PCDHGB7: variants seen among roughly 807,000 people sequenced by gnomAD.
PCDHGB7 encodes protocadherin gamma subfamily B, 7.
A neutral mutation model predicts 61.4 loss-of-function variants in PCDHGB7; 37 were observed. The observed-to-expected ratio is 0.60, with a 90% CI of 0.46 to 0.79. The LOEUF (loss-of-function observed/expected upper bound fraction) is 0.79. Ranked by LOEUF, PCDHGB7 falls within the 30% of genes least tolerant of loss-of-function variation. The pLI is 0.00. For synonymous variants in PCDHGB7, 464 were observed against 503.5 expected (o/e 0.92, Z 1.05); for missense variants, 1,166 against 1,202.5 (o/e 0.97, Z 0.45).
At chr5:141,495,240 C>T (rs2099759761) in intron 2 of PCDHGB7, among the ~76,000 whole-genome samples, 1 of 152,182 alleles carries the variant, frequency 6.6e-6, no homozygotes, top group South Asian at 2.1e-4. Context: ...TCCATTATGA[C>T]CTGGGGCTCA....
intron 1 of PCDHGB7, chr5:141,478,333 G>T: frequency 6.2e-7 from 1 of 1,613,928 alleles, no homozygotes; most frequent in Non-Finnish European, 8.5e-7. Context: ...GAACACCAGG[G>T]CCCTCCTTGC....
At chr5:141,421,824 A>G in intron 1 of PCDHGB7, 1 of 1,613,768 alleles carries the variant, frequency 6.2e-7, no homozygotes, top group Non-Finnish European at 8.5e-7. Flanking sequence ...TACTGGAGGG[A>G]AGCCTGGACC....
chr5:141,465,923 C>A (rs908350232), intron 1 of PCDHGB7, among the ~76,000 whole-genome samples: 2 of 152,062 alleles, frequency 1.3e-5, no homozygotes, highest in African/African-American at 4.8e-5. Flanking sequence ...GATTTCGAGT[C>A]CATCCTGGCT....
chr5:141,455,377 CAGAA>C (rs2098820699), intron 1 of PCDHGB7, among the ~76,000 whole-genome samples: 1 of 151,970 alleles, frequency 6.6e-6, no homozygotes, highest in Admixed American at 6.6e-5. Flanking sequence ...AGGGAGAAGA[CAGAA>C]GGAAGGAGCT....
intron 1 of PCDHGB7, among the ~76,000 whole-genome samples, chr5:141,482,791 G>T (rs1039924143): frequency 2.6e-5 from 4 of 152,168 alleles, no homozygotes; most frequent in African/African-American, 9.7e-5. Flanking sequence ...TGTGTGTGTG[G>T]CCGGGTACGG....
intron 1 of PCDHGB7, chr5:141,422,550 G>A: frequency 6.2e-7 from 1 of 1,613,978 alleles, no homozygotes; most frequent in Non-Finnish European, 8.5e-7. Flanking sequence ...ATGTCTGGCT[G>A]AATGTGGCAG....
At chr5:141,461,013 C>G (rs981329088) in intron 1 of PCDHGB7, among the ~76,000 whole-genome samples, 2 of 148,522 alleles carry the variant, frequency 1.3e-5, no homozygotes, top group Non-Finnish European at 3.0e-5. Flanking sequence ...ATATATATAC[C>G]ACATTTTCTT....
intron 1 of PCDHGB7, chr5:141,478,043 A>G (rs1399496347): frequency 7.4e-6 from 12 of 1,613,710 alleles, no homozygotes; most frequent in Non-Finnish European, 1.0e-5. Flanking sequence ...ACCCAGGCAG[A>G]CTCTCACGGT....
chr5:141,460,587 T>C (rs1461971599), intron 1 of PCDHGB7, among the ~76,000 whole-genome samples: 1 of 152,170 alleles, frequency 6.6e-6, no homozygotes, highest in Non-Finnish European at 1.5e-5. Flanking sequence ...TGTGGGTTTT[T>C]TCTGGGCTCT....
Position 141,511,315 on chromosome 5 carries a change from G to A in PCDHGB7, c.*142G>A. ...AAGGCCATGCTCCCCTTGGGAAACA[G>A]AAACAAGTGCCCAGTCAGCACCTAC... On this transcript the variant is annotated 3_prime_UTR_variant, in exon 4 of 4. Coordinates refer to ENST00000398594, the MANE Select transcript of PCDHGB7 (RefSeq NM_018927.4). 6.8e-7 allele frequency: 1 copy of A among 1,481,384 alleles called. No individual in the cohort carries two copies. Among genetic ancestry groups the A allele is most frequent in the Non-Finnish European group, 9.0e-7 (1 of 1,110,974 alleles). 91.8% of individuals were successfully genotyped at this position (1,481,384 alleles called of 1,614,324 possible).
At chr5:141,421,651 A>C in intron 1 of PCDHGB7, 1 of 1,613,868 alleles carries the variant, frequency 6.2e-7, no homozygotes, top group Non-Finnish European at 8.5e-7. Flanking sequence ...AGTGGAGATA[A>C]AAGTCAGTGA....
intron 1 of PCDHGB7, chr5:141,422,106 C>T: frequency 6.2e-7 from 1 of 1,607,266 alleles, no homozygotes; most frequent in Non-Finnish European, 8.5e-7. Flanking sequence ...CTGAAATATT[C>T]CAATTGGATT....
intron 1 of PCDHGB7, chr5:141,423,481 C>G: frequency 6.2e-7 from 1 of 1,613,908 alleles, no homozygotes; most frequent in South Asian, 1.1e-5. Context: ...GGCTTTCCTG[C>G]AAACCTATTC....
At chr5:141,442,674 A>G (rs2098335634) in intron 1 of PCDHGB7, among the ~76,000 whole-genome samples, 1 of 152,272 alleles carries the variant, frequency 6.6e-6, no homozygotes, top group Non-Finnish European at 1.5e-5. Context: ...GGTGAGCTTG[A>G]GGGACAGTAG....
chr5:141,485,982 A>G lies in PCDHGB7; in HGVS notation c.2416-8825A>G. 6.2e-7 allele frequency: 1 copy of G among 1,614,156 alleles called. No homozygotes were observed. The highest frequency in any genetic ancestry group is 8.5e-7 in the Non-Finnish European group (1 of 1,180,020). ...ATCCAGCTCAATGCCTCAGACCCGG[A>G]CCTGGGTCCCAGTGGTAACGTCACC... On this transcript the variant is annotated intron_variant, in intron 1 of 3. Coordinates refer to ENST00000398594, the MANE Select transcript of PCDHGB7 (RefSeq NM_018927.4). The surrounding 1 kb of genome is among the most constrained non-coding windows in gnomAD (Gnocchi z 5.7).
chr5:141,423,106 G>T lies in PCDHGB7; in HGVS notation c.2415+2832G>T, dbSNP rs562864937. On this transcript the variant is annotated intron_variant, in intron 1 of 3. Coordinates refer to ENST00000398594, the MANE Select transcript of PCDHGB7 (RefSeq NM_018927.4). ...CGCGGTGGGGGAGCACACGGGCGAGGTGCGTACAGCGCGGGCACTGCTGGA... is the reference window on the plus strand; with the variant it reads ...CGCGGTGGGGGAGCACACGGGCGAGTTGCGTACAGCGCGGGCACTGCTGGA... The T allele has an allele frequency of 1.2e-5, 19 of 1,613,894 alleles. No individual in the cohort carries two copies. The African/African-American group carries it at 2.1e-4, about 18-fold the overall frequency.
chr5:141,476,596 C>T lies in PCDHGB7; in HGVS notation c.2416-18211C>T. 1 of 1,614,224 alleles carries T rather than the reference C, an allele frequency of 6.2e-7. No homozygotes were observed. Among genetic ancestry groups the T allele is most frequent in the Non-Finnish European group, 8.5e-7 (1 of 1,180,038 alleles). On this transcript the variant is annotated intron_variant, in intron 1 of 3. Coordinates refer to ENST00000398594, the MANE Select transcript of PCDHGB7 (RefSeq NM_018927.4). The surrounding 1 kb of genome is among the most constrained non-coding windows in gnomAD (Gnocchi z 7.6). The stretch of plus-strand genomic sequence containing the variant: ...CGCGCTTTCCGCTCGAGAGCGCGCA[C>T]GATCCCGATGTGGGAAGCAACTCTT...
chr5:141,446,850 C>T (rs1027473189), intron 1 of PCDHGB7, among the ~76,000 whole-genome samples: 2 of 152,114 alleles, frequency 1.3e-5, no homozygotes, highest in Non-Finnish European at 2.9e-5. Flanking sequence ...GCATAATAAG[C>T]TTCCTGATAG....
chr5:141,422,655 C>T (rs188587553), intron 1 of PCDHGB7: 2 of 1,610,120 alleles, frequency 1.2e-6, no homozygotes, highest in Admixed American at 3.3e-5. Flanking sequence ...TCTCAGTGAC[C>T]GCCCTCGACC....
Sources: gnomAD v4.1 joint callset for allele counts (sites outside exome capture counted in the v4.1 genomes callset) on GRCh38, gnomAD v4.1.1 for gene constraint, Gnocchi (gnomAD v3.1) non-coding constraint, MANE v1.5 for transcripts, NCBI Gene and HGNC (gene_info 2026-07-23, HGNC 2026-07-21) for gene names.